CALN1: variants seen among roughly 807,000 people sequenced by gnomAD.
CALN1 encodes the protein calneuron 1.
In CALN1, 17 loss-of-function variants were observed where a neutral mutation model predicts 30.6. The ratio of observed to expected loss-of-function variants is 0.56; its 90% CI spans 0.38 to 0.83. The LOEUF (loss-of-function observed/expected upper bound fraction) is 0.83, where lower values mean the gene tolerates loss of function less well. Among genes scored for constraint, CALN1 ranks in the 40% least tolerant of loss-of-function variants. CALN1 has a pLI of 0.00. For synonymous variants in CALN1, 156 were observed against 131.4 expected, an observed-to-expected ratio of 1.19 and a Z score of -1.28; for missense variants, 291 against 354.9, an observed-to-expected ratio of 0.82 and a Z score of 1.45.
intron 3 of CALN1, among the ~76,000 whole-genome samples, chr7:72,151,603 CG>C (rs1787255513): frequency 6.6e-6 from 1 of 152,150 alleles, no homozygotes; most frequent in African/African-American, 2.4e-5. Context: ...CTTTCCAATG[CG>C]CTACCTTCTC....
intron 2 of CALN1, among the ~76,000 whole-genome samples, chr7:72,279,766 G>A (rs1180303696): frequency 6.6e-6 from 1 of 152,248 alleles, no homozygotes; most frequent in Non-Finnish European, 1.5e-5. Flanking sequence ...GGCCCAACTT[G>A]TCTAATGATG....
chr7:71,964,474 A>C (rs1390600290), intron 5 of CALN1, among the ~76,000 whole-genome samples: 1 of 152,138 alleles, frequency 6.6e-6, no homozygotes, highest in East Asian at 1.9e-4. Flanking sequence ...TTCTTGCCCT[A>C]GTGTACTGGA....
intron 5 of CALN1, among the ~76,000 whole-genome samples, chr7:71,861,777 CAAAAAAAAAAAAA>C (rs35793572): frequency 1.3e-5 from 1 of 74,710 alleles, no homozygotes; most frequent in Non-Finnish European, 2.4e-5. Flanking sequence ...CAACTCTATC[CAAAAAAAAAAAAA>C]AAAAAAAAAA....
intron 4 of CALN1, among the ~76,000 whole-genome samples, chr7:72,057,868 C>G (rs1473690784): frequency 6.6e-6 from 1 of 152,126 alleles, no homozygotes; most frequent in African/African-American, 2.4e-5. Flanking sequence ...AGTTGTTTCT[C>G]TTTTTCAAGT....
the CALN1 span, among the ~76,000 whole-genome samples, chr7:72,469,553 C>T: frequency 2.0e-5 from 3 of 152,236 alleles, no homozygotes; most frequent in Admixed American, 6.5e-5. Flanking sequence ...CACACCACCA[C>T]GTCCAGCTCA....
chr7:72,294,716 C>A (rs1427854214), intron 2 of CALN1, among the ~76,000 whole-genome samples: 2 of 149,832 alleles, frequency 1.3e-5, no homozygotes, highest in Non-Finnish European at 1.5e-5. Context: ...CCACTGCACT[C>A]CAGCTGGGAC....
intron 3 of CALN1, among the ~76,000 whole-genome samples, chr7:72,219,537 CTTCAT>C (rs1793104565): frequency 6.6e-6 from 1 of 152,032 alleles, no homozygotes; most frequent in Non-Finnish European, 1.5e-5. Context: ...TTAAGATGCT[CTTCAT>C]TTAAGAGTCA....
chr7:72,324,304 T>G (rs977304941), intron 2 of CALN1, among the ~76,000 whole-genome samples: 1 of 152,038 alleles, frequency 6.6e-6, no homozygotes, highest in Non-Finnish European at 1.5e-5. Flanking sequence ...CTGGAGGGAT[T>G]TCACCTCCTC....
chr7:72,018,418 TAC>T (rs1465943079), intron 5 of CALN1, among the ~76,000 whole-genome samples: 7 of 152,082 alleles, frequency 4.6e-5, no homozygotes, highest in African/African-American at 1.7e-4. Context: ...GCTGACTCCA[TAC>T]ACAGTTTCAC....
At chr7:72,146,370 T>A (rs930309703) in intron 3 of CALN1, among the ~76,000 whole-genome samples, 1 of 152,186 alleles carries the variant, frequency 6.6e-6, no homozygotes, top group African/African-American at 2.4e-5. Flanking sequence ...CATTCACAAT[T>A]GCTTCAAAGA....
At chr7:72,031,622 C>T (rs1185789025) in intron 4 of CALN1, among the ~76,000 whole-genome samples, 1 of 152,000 alleles carries the variant, frequency 6.6e-6, no homozygotes. Flanking sequence ...CCCAGAAGTG[C>T]AGTGGTGCAA....
At chr7:72,326,718 G>A (rs964380257) in intron 2 of CALN1, among the ~76,000 whole-genome samples, 5 of 152,206 alleles carry the variant, frequency 3.3e-5, no homozygotes, top group African/African-American at 9.6e-5. Flanking sequence ...CGGTTTTCAT[G>A]AGGTTCGGAG....
At chr7:72,215,597 A>C (rs112164735) in intron 3 of CALN1, among the ~76,000 whole-genome samples, 1 of 150,376 alleles carries the variant, frequency 6.6e-6, no homozygotes, top group African/African-American at 2.4e-5. Context: ...CCTGCTCAAA[A>C]AAAAAAAAAA....
intron 1 of CALN1, among the ~76,000 whole-genome samples, chr7:72,442,666 C>T (rs1808386715): frequency 6.6e-6 from 1 of 151,802 alleles, no homozygotes; most frequent in Non-Finnish European, 1.5e-5. Context: ...TTAAGGGTTG[C>T]ACTTATTTAA....
At position 72,058,310 on chromosome 7, in the gene CALN1, C is replaced by CTTT. The variant is rs3065011; in HGVS notation, c.389-34544_389-34542dup. On this transcript the variant is annotated intron_variant, in intron 4 of 6. Transcript: ENST00000395275. Reference sequence around the variant, plus strand: ...GCTACAAGCTGCAACAAGCTGGAATCTTTTTTTTTTTTTTTTTTTTTTTTT... The same window carrying CTTT: ...GCTACAAGCTGCAACAAGCTGGAATCTTTTTTTTTTTTTTTTTTTTTTTTTTTT... Among the ~76,000 whole-genome samples, 322 of 70,792 alleles carry CTTT rather than the reference C, an allele frequency of 4.5e-3. 5 individuals are homozygous for CTTT. The highest frequency in any genetic ancestry group is 6.0e-3 in the Non-Finnish European group (239 of 40,136). The allele number at this position is 70,792 out of a possible 152,430, so 46.4% of individuals were successfully genotyped here.
At chr7:72,187,707 C>T (rs142141814) in intron 3 of CALN1, among the ~76,000 whole-genome samples, 1 of 152,294 alleles carries the variant, frequency 6.6e-6, no homozygotes, top group East Asian at 1.9e-4. Context: ...ATTTTGCACC[C>T]ACTTGTAAAT....
At chr7:72,241,641 G>A (rs966051699) in intron 3 of CALN1, among the ~76,000 whole-genome samples, 16 of 152,120 alleles carry the variant, frequency 1.1e-4, no homozygotes, top group African/African-American at 3.1e-4. Flanking sequence ...AGGAGGCAGA[G>A]GTTGCAGTGA....
chr7:72,041,103 G>A (rs568164593), intron 4 of CALN1, among the ~76,000 whole-genome samples: 11 of 152,236 alleles, frequency 7.2e-5, no homozygotes, highest in African/African-American at 2.6e-4. Flanking sequence ...AGGCAAAAGA[G>A]TGCCCTTTTG....
chr7:72,102,251 C>T (rs1730305219), intron 4 of CALN1, among the ~76,000 whole-genome samples: 1 of 151,948 alleles, frequency 6.6e-6, no homozygotes, highest in Non-Finnish European at 1.5e-5. Context: ...TCGAGACCAG[C>T]CTGGCCAACA....
Sources: gnomAD v4.1 joint callset for allele counts (sites outside exome capture counted in the v4.1 genomes callset) on GRCh38, gnomAD v4.1.1 for gene constraint, MANE v1.5 for transcripts, NCBI Gene and HGNC (gene_info 2026-07-23, HGNC 2026-07-21) for gene names.